The following PZP variants were observed in gnomAD, a reference collection of about 807,000 sequenced individuals.
PZP encodes pregnancy zone protein.
Under a neutral mutation model 179.8 loss-of-function variants are expected in PZP, and 150 were observed. The observed-to-expected ratio is 0.83, with a 90% CI of 0.73 to 0.96. The LOEUF (loss-of-function observed/expected upper bound fraction) is 0.96. Ranked by LOEUF, PZP falls within the 40% of genes least tolerant of loss-of-function variation. The pLI is 0.00. For missense variants in PZP, 1,689 were observed against 1,764.0 expected (o/e 0.96, Z 0.76); for synonymous variants, 624 against 652.3 (o/e 0.96, Z 0.66).
Position 9,151,663 on chromosome 12 carries a change from A to G in PZP, c.4222T>C (p.Ser1408Pro). Reference protein sequence around the residue: ...LKPTVKMLERSSSVSRTEVSN... With the variant: ...LKPTVKMLERPSSVSRTEVSN... ...ACTTCTGTCCGGCTCACAGAGCTAG[A>G]TCTTTCAAGCTGGAGAGAATTAGAA... The change falls in exon 33 of 36, where the codon TCT (serine) becomes CCT (proline). Residue 1408 changes from serine to proline, a missense_variant. Physicochemically the swap from Ser to Pro is moderately conservative, Grantham distance 74. Around this residue, in one of 3 missense-constraint regions of PZP, gnomAD observed 746 missense variants for 749.2 expected, o/e 1.00. Transcript: ENST00000261336. The G allele has an allele frequency of 1.9e-6, 3 of 1,613,742 alleles. No homozygotes were observed. The highest frequency in any genetic ancestry group is 2.5e-6 in the Non-Finnish European group (3 of 1,179,762).
chr12:9,195,677 C>G (rs1410728005), intron 10 of PZP, among the ~76,000 whole-genome samples: 1 of 133,342 alleles, frequency 7.5e-6, no homozygotes, highest in Non-Finnish European at 1.5e-5. Flanking sequence ...CGATCTAGAA[C>G]TCCTGGCCTC....
rs151093654 is a variant in PZP at position 9,160,458 on chromosome 12, G to A, written c.2905C>T (p.Gln969Ter). The A allele has an allele frequency of 6.4e-5, 103 of 1,613,702 alleles. No individual in the cohort carries two copies. The African/African-American group carries it at 1.3e-3, about 20-fold the overall frequency. ...CCATATGGCATCTGGAGGAGATTTTGTATATTTTGCATAGCAGAACCTAAT... is the reference window on the plus strand; with the variant it reads ...CCATATGGCATCTGGAGGAGATTTTATATATTTTGCATAGCAGAACCTAAT... ...DILGSAMQNI[Q>*]NLLQMPYGCG... Residue 969 changes from glutamine to a stop codon, truncating the protein, a stop_gained, in exon 24 of 36, where the codon CAA becomes TAA. Transcript: ENST00000261336. LOFTEE classifies it high-confidence loss of function.
In PZP at chr12:9,165,130, T is replaced by G; in HGVS notation, c.2487+9A>C. 1 of 1,612,764 alleles carries G rather than the reference T, an allele frequency of 6.2e-7. No individual in the cohort carries two copies. The highest frequency in any genetic ancestry group is 8.5e-7 in the Non-Finnish European group (1 of 1,178,772). On this transcript the variant is annotated intron_variant, in intron 19 of 35. Transcript: ENST00000261336. ...ACCCACCTTTCCTGTTCACCCTCAT[T>G]TTCCTTACCCGGATGCATTTGGGAA...
rs752670826 is a variant in PZP at position 9,164,241 on chromosome 12, C to T, written c.2506G>A (p.Ala836Thr). The change falls in exon 20 of 36, where the codon GCC becomes ACC. Residue 836 changes from alanine (A) to threonine (T), a missense_variant. By Grantham distance (58) the Ala-to-Thr change is moderately conservative. Coordinates refer to ENST00000261336, the MANE Select transcript of PZP (RefSeq NM_002864.3). ...TGGGAAGCTAGGAAGGCTGGAGAGG[C>T]TTTCAGCTGCACACTGACCTATCAC... ...KCIRVSVQLK[A>T]SPAFLASQNT... is the part of the protein sequence containing the mutation. 9 of 1,613,286 alleles carry T rather than the reference C, an allele frequency of 5.6e-6. No individual in the cohort carries two copies. The South Asian group carries it at 9.9e-5, about 18-fold the overall frequency.
chr12:9,157,979 GT>G (rs200837969), intron 26 of PZP, 138 bp from the exon 27 acceptor site: 143,348 of 767,864 alleles, frequency 0.19, 16,072 homozygotes, highest in East Asian at 0.41. Context: ...CTCTCGACAG[GT>G]TCTTGCTCTG....
chr12:9,163,955 C>G (rs748343851), intron 20 of PZP, among the ~76,000 whole-genome samples, 166 bp from the exon 21 acceptor site: 1 of 152,052 alleles, frequency 6.6e-6, no homozygotes, highest in Non-Finnish European at 1.5e-5. Flanking sequence ...GATAGTGATT[C>G]TGGGGACTAG....
chr12:9,136,711 A>G, the PZP span, among the ~76,000 whole-genome samples: 2 of 152,110 alleles, frequency 1.3e-5, no homozygotes, highest in African/African-American at 4.8e-5. Flanking sequence ...TTATTTGATA[A>G]TAGGCATCCT....
rs752718088 is a variant in PZP, at chr12:9,164,184, A to G, written c.2563T>C (p.Cys855Arg). 6.2e-7 allele frequency: 1 copy of G among 1,610,202 alleles called. No individual in the cohort carries two copies. The highest frequency in any genetic ancestry group is 1.3e-5 in the African/African-American group (1 of 74,948). ...NTKGEESYCI[C>R]GNERQTLSWT... is the part of the protein sequence containing the mutation. ...GACAAGGTTTGTCTCTCATTTCCACAGATACAATAGGATTCTTCTCCCTTT... is the reference window on the plus strand; with the variant it reads ...GACAAGGTTTGTCTCTCATTTCCACGGATACAATAGGATTCTTCTCCCTTT... The change falls in exon 20 of 36, where the codon TGT becomes CGT. Residue 855 changes from cysteine (C) to arginine (R), a missense_variant. Physicochemically the swap from Cys to Arg is radical, Grantham distance 180. This residue lies in a region of PZP where 746 missense variants were observed against 749.2 expected (regional missense o/e 1.00). Transcript: ENST00000261336.
In PZP at chr12:9,152,903, C is replaced by G; in HGVS notation, c.4042G>C (p.Ala1348Pro). ...TGGGGCACAGTCTGCACTTTTAAAG[C>G]AAATGGGGAGTCCTCTTTCTCTGGA... is the stretch of plus-strand genomic sequence containing the variant. ...ILPEKEDSPF[A>P]LKVQTVPQTC... Residue 1348 changes from alanine to proline, a missense_variant, in exon 31 of 36, where the codon GCT becomes CCT. By Grantham distance (27) the Ala-to-Pro change is conservative (BLOSUM62 -1). Around this residue, in one of 3 missense-constraint regions of PZP, gnomAD observed 746 missense variants for 749.2 expected, o/e 1.00. Coordinates refer to ENST00000261336, the MANE Select transcript of PZP (RefSeq NM_002864.3). 1 of 1,614,118 alleles carries G rather than the reference C, an allele frequency of 6.2e-7. No homozygotes were observed. Among genetic ancestry groups the G allele is most frequent in the Non-Finnish European group, 8.5e-7 (1 of 1,180,010 alleles).
At chr12:9,157,904 G>T in intron 26 of PZP, 63 bp from the exon 27 acceptor site, 1 of 1,359,944 alleles carries the variant, frequency 7.4e-7, no homozygotes, top group Non-Finnish European at 1.0e-6. Context: ...CTCTTCTGTT[G>T]TTTGATGGAA....
intron 13 of PZP, among the ~76,000 whole-genome samples, chr12:9,185,805 T>TTTTCTTTTCTTTTCTTTTCTTTTC (rs1271564886): frequency 6.7e-6 from 1 of 149,030 alleles, no homozygotes; most frequent in East Asian, 1.9e-4. Context: ...TTTTCTTTTC[T>TTTTCTTTTCTTTTCTTTTCTTTTC]TTTCTTTTCT....
intron 13 of PZP, among the ~76,000 whole-genome samples, chr12:9,191,616 G>A (rs1181376915): frequency 6.6e-6 from 1 of 152,040 alleles, no homozygotes; most frequent in Non-Finnish European, 1.5e-5. Flanking sequence ...GGTGGAAATT[G>A]GTAAAATGTT....
chr12:9,140,186 G>T, the PZP span, among the ~76,000 whole-genome samples: 1 of 152,188 alleles, frequency 6.6e-6, no homozygotes. Flanking sequence ...CTGTGAAATG[G>T]CCATGATCCT....
At chr12:9,200,821 C>T in intron 6 of PZP, 71 bp downstream of exon 6, 1 of 1,472,806 alleles carries the variant, frequency 6.8e-7, no homozygotes, top group Non-Finnish European at 9.2e-7. Context: ...ACAGGAAATT[C>T]AAAGGATCTA....
intron 21 of PZP, among the ~76,000 whole-genome samples, 184 bp downstream of exon 21, chr12:9,163,484 T>G: frequency 6.6e-6 from 1 of 151,850 alleles, no homozygotes; most frequent in East Asian, 1.9e-4. Context: ...ACTCAAATAA[T>G]TTGTGAAAAA....
At chr12:9,185,826 C>CTTTTCTTTTCTTTTCTTTTCTTTTCTT (rs1943075938) in intron 13 of PZP, among the ~76,000 whole-genome samples, 1 of 31,070 alleles carries the variant, frequency 3.2e-5, no homozygotes, top group African/African-American at 1.2e-4. Flanking sequence ...TTTTTTTTTT[C>CTTTTCTTTTCTTTTCTTTTCTTTTCTT]TTGACAGAGT....
At chr12:9,178,754 T>C (rs1031057448) in intron 15 of PZP, among the ~76,000 whole-genome samples, 3 of 152,198 alleles carry the variant, frequency 2.0e-5, no homozygotes, top group Non-Finnish European at 2.9e-5. Context: ...CTGATGGTCA[T>C]TGGGTTCAGT....
chr12:9,202,012 C>T (rs1361883343), intron 4 of PZP, among the ~76,000 whole-genome samples: 1 of 151,958 alleles, frequency 6.6e-6, no homozygotes, highest in Non-Finnish European at 1.5e-5. Flanking sequence ...ATCATAAATT[C>T]CTTGAAAGTA....
At chr12:9,200,305 C>T in intron 7 of PZP, 59 bp downstream of exon 7, 1 of 1,206,634 alleles carries the variant, frequency 8.3e-7, no homozygotes. Context: ...TTTGTACCTA[C>T]ATAATCCCTC....
Sources: allele counts gnomAD v4.1 joint callset (sites outside exome capture counted in the v4.1 genomes callset), GRCh38; gene constraint gnomAD v4.1.1; regional missense constraint gnomAD v4.1.1; transcripts MANE v1.5; gene names NCBI Gene and HGNC (gene_info 2026-07-23, HGNC 2026-07-21).